USP10: variants seen among roughly 807,000 people sequenced by gnomAD.
USP10 encodes the protein ubiquitin carboxyl-terminal hydrolase 10.
Under a neutral mutation model 84.5 loss-of-function variants are expected in USP10, and 22 were observed. The observed-to-expected ratio is 0.26, with a 90% CI of 0.19 to 0.37. The LOEUF is 0.37. USP10 is among the 10% of genes least tolerant of loss of function. The pLI is 1.00. For missense variants in USP10, 1,019 were observed against 998.9 expected, an observed-to-expected ratio of 1.02 and a Z score of -0.27; for synonymous variants, 454 against 387.6, an observed-to-expected ratio of 1.17 and a Z score of -2.01.
intron 8 of USP10, 117 bp downstream of exon 8, chr16:84,760,392 G>A (rs932653087): frequency 5.8e-6 from 5 of 860,844 alleles, no homozygotes; most frequent in Non-Finnish European, 9.1e-6. Context: ...AGTAGATGTA[G>A]GTTTATAAGA....
At chr16:84,703,305 T>C (rs1241279677) in intron 1 of USP10, among the ~76,000 whole-genome samples, 1 of 152,350 alleles carries the variant, frequency 6.6e-6, no homozygotes, top group East Asian at 1.9e-4. Context: ...AAAATATTTG[T>C]GATTATTGAT....
At chr16:84,764,939 A>AAAAAAAAAATATATATAT (rs370383030) in intron 10 of USP10, among the ~76,000 whole-genome samples, 7 of 132,268 alleles carry the variant, frequency 5.3e-5, no homozygotes, top group African/African-American at 2.0e-4. Context: ...GAGAAAAAAA[A>AAAAAAAAAATATATATAT]ATATATATAT....
At chr16:84,753,372 ACT>A (rs1340854671) in intron 4 of USP10, among the ~76,000 whole-genome samples, 1 of 151,928 alleles carries the variant, frequency 6.6e-6, no homozygotes, top group Non-Finnish European at 1.5e-5. Context: ...GTTTTCTCAG[ACT>A]CTCACATAAA....
chr16:84,748,312 C>G (rs1911493781), intron 4 of USP10, among the ~76,000 whole-genome samples: 1 of 151,662 alleles, frequency 6.6e-6, no homozygotes, highest in African/African-American at 2.4e-5. Context: ...ATTTTCTTTT[C>G]TTTATTTTTG....
Position 84,704,802 on chromosome 16 carries a change from G to A in USP10, c.21+4691G>A, listed in dbSNP as rs777764804. ...AGAACCCAGAAGCTCTACCAGCACT[G>A]CCATTCTGTCCCGTCTTGAAACATC... On this transcript the variant is annotated intron_variant, in intron 1 of 13. Transcript: ENST00000219473. 19 of 1,535,502 alleles carry A rather than the reference G, an allele frequency of 1.2e-5. No individual in the cohort carries two copies. The South Asian group carries it at 1.9e-4, about 15-fold the overall frequency.
At chr16:84,731,130 C>T (rs1909170793) in intron 1 of USP10, among the ~76,000 whole-genome samples, 1 of 151,950 alleles carries the variant, frequency 6.6e-6, no homozygotes, top group Non-Finnish European at 1.5e-5. Flanking sequence ...CAGGTGCATG[C>T]CACCATGCCC....
At chr16:84,737,355 T>G (rs17830698) in intron 2 of USP10, among the ~76,000 whole-genome samples, 44,912 of 152,168 alleles carry the variant, frequency 0.3, 7,735 homozygotes, top group Non-Finnish European at 0.4. Flanking sequence ...TTTTTGAACT[T>G]TGTATTCTTA....
chr16:84,759,306 C>T (rs2150848222), intron 5 of USP10, 57 bp from the exon 6 acceptor site: 2 of 1,497,872 alleles, frequency 1.3e-6, no homozygotes, highest in Non-Finnish European at 9.3e-7. Flanking sequence ...CATGTGCCTT[C>T]AGGAAATGTG....
rs1016050410 is a variant in USP10 at position 84,759,736 on chromosome 16, A to G, written c.1395-155A>G. On this transcript the variant is annotated intron_variant, in intron 6 of 13. Coordinates refer to ENST00000219473, the MANE Select transcript of USP10 (RefSeq NM_005153.3). Reference sequence around the variant, plus strand: ...CACTTGAAATAGACCAAAAATGCATATAGAAGAGACTTGAGTTCACTAGCT... The same window carrying G: ...CACTTGAAATAGACCAAAAATGCATGTAGAAGAGACTTGAGTTCACTAGCT... The G allele has an allele frequency of 6.4e-6, 5 of 783,974 alleles. No homozygotes were observed. The African/African-American group carries it at 7.0e-5, about 11-fold the overall frequency. 48.6% of individuals were successfully genotyped at this position (783,974 alleles called of 1,614,324 possible).
At chr16:84,739,715 T>A (rs1387663849) in intron 2 of USP10, among the ~76,000 whole-genome samples, 1 of 152,242 alleles carries the variant, frequency 6.6e-6, no homozygotes, top group Non-Finnish European at 1.5e-5. Flanking sequence ...AGTCAGACAG[T>A]TCCCATTCTG....
At chr16:84,717,806 C>T (rs967430537) in intron 1 of USP10, among the ~76,000 whole-genome samples, 25 of 152,198 alleles carry the variant, frequency 1.6e-4, no homozygotes, top group African/African-American at 5.8e-4. Context: ...GTCTCTGGTC[C>T]TCAGGTGTAT....
At chr16:84,730,884 T>C (rs1350956751) in intron 1 of USP10, among the ~76,000 whole-genome samples, 1 of 152,128 alleles carries the variant, frequency 6.6e-6, no homozygotes, top group African/African-American at 2.4e-5. Flanking sequence ...TGATTTCTTA[T>C]CCTTAGGTAT....
At chr16:84,742,152 A>G (rs1320556624) in intron 3 of USP10, among the ~76,000 whole-genome samples, 2 of 152,216 alleles carry the variant, frequency 1.3e-5, no homozygotes. Context: ...TCATACAGGC[A>G]TACAACAAGT....
In USP10 at chr16:84,771,372, G is replaced by A. The variant is rs948341747; in HGVS notation, c.1999-1169G>A. On this transcript the variant is annotated intron_variant, in intron 11 of 13. Coordinates refer to ENST00000219473, the MANE Select transcript of USP10 (RefSeq NM_005153.3). ...TTCAAGACCAGCTGGGCTCATGGCT[G>A]TAGTCCCAGCTACTTGGGAGGCTGA... Among the ~76,000 whole-genome samples, 20 of 152,062 alleles carry A rather than the reference G, an allele frequency of 1.3e-4. No individual in the cohort carries two copies. The East Asian group carries it at 1.4e-3, about 10-fold the overall frequency.
intron 1 of USP10, among the ~76,000 whole-genome samples, chr16:84,727,976 T>C (rs1167495993): frequency 6.6e-6 from 1 of 152,202 alleles, no homozygotes; most frequent in Non-Finnish European, 1.5e-5. Flanking sequence ...GGTCAGGAAA[T>C]GTATTTAGTT....
chr16:84,739,618 C>G (rs1365044370), intron 2 of USP10, among the ~76,000 whole-genome samples: 1 of 152,218 alleles, frequency 6.6e-6, no homozygotes, highest in East Asian at 1.9e-4. Context: ...GGAAGCATTT[C>G]CAACTCTTAA....
chr16:84,712,478 A>G (rs1597277701), intron 1 of USP10, among the ~76,000 whole-genome samples: 1 of 152,286 alleles, frequency 6.6e-6, no homozygotes, highest in East Asian at 1.9e-4. Flanking sequence ...TGGATCGGTT[A>G]ATTGGCAGGG....
intron 1 of USP10, among the ~76,000 whole-genome samples, chr16:84,725,234 G>C (rs1908304177): frequency 6.6e-6 from 1 of 152,100 alleles, no homozygotes; most frequent in South Asian, 2.1e-4. Flanking sequence ...TGGCAACCAT[G>C]ATCTTTCTGT....
In USP10 at chr16:84,705,238, G is replaced by GTT. The variant is rs559337982; in HGVS notation, c.21+5137_21+5138dup. On this transcript the variant is annotated intron_variant, in intron 1 of 13. Coordinates refer to ENST00000219473, the MANE Select transcript of USP10 (RefSeq NM_005153.3). ...CTCCTGTGCCTTGTTTTTTTTGTTT[G>GTT]TTTTTTTTTTTGAGACGGAGTCTCG... Among the ~76,000 whole-genome samples the GTT allele has an allele frequency of 7.6e-4, 110 of 143,806 alleles. 1 individual carries two copies. Among genetic ancestry groups the GTT allele is most frequent in the Middle Eastern group, 3.8e-3 (1 of 266 alleles). 94.3% of individuals were successfully genotyped at this position (143,806 alleles called of 152,430 possible).
Sources: gnomAD v4.1 joint callset for allele counts (sites outside exome capture counted in the v4.1 genomes callset) on GRCh38, gnomAD v4.1.1 for gene constraint, MANE v1.5 for transcripts, NCBI Gene and HGNC (gene_info 2026-07-23, HGNC 2026-07-21) for gene names.